CCDC91: variants seen among roughly 807,000 people sequenced by gnomAD.
The protein encoded by CCDC91 is coiled-coil domain containing 91, also known as coiled-coil domain-containing protein 91.
Under a neutral mutation model 63.2 loss-of-function variants are expected in CCDC91, and 48 were observed. That is an observed-to-expected ratio of 0.76 (90% CI 0.60 to 0.97). CCDC91 has a LOEUF of 0.97. Ranked by LOEUF, CCDC91 falls within the 50% of genes least tolerant of loss-of-function variation. The pLI is 0.00. For missense variants in CCDC91, 500 were observed against 494.6 expected, an observed-to-expected ratio of 1.01 and a Z score of -0.10; for synonymous variants, 167 against 165.8, an observed-to-expected ratio of 1.01 and a Z score of -0.06.
chr12:28,458,463 T>TTC, intron 11 of CCDC91, among the ~76,000 whole-genome samples: 2 of 105,846 alleles, frequency 1.9e-5, no homozygotes, highest in Non-Finnish European at 3.6e-5. Flanking sequence ...ACCTTTTTTT[T>TTC]TTTTTTTTTT....
At chr12:28,425,989 G>A (rs925697576) in intron 8 of CCDC91, among the ~76,000 whole-genome samples, 1 of 152,078 alleles carries the variant, frequency 6.6e-6, no homozygotes, top group Admixed American at 6.6e-5. Context: ...ATGTACGTGG[G>A]CCTCTGAGCT....
chr12:28,517,528 T>G (rs555746132), intron 12 of CCDC91, among the ~76,000 whole-genome samples: 2 of 152,098 alleles, frequency 1.3e-5, no homozygotes, highest in African/African-American at 4.8e-5. Context: ...TTTGAGGCTG[T>G]GTTTTTGTTC....
intron 12 of CCDC91, among the ~76,000 whole-genome samples, chr12:28,486,839 C>T (rs1482263908): frequency 6.6e-6 from 1 of 151,978 alleles, no homozygotes; most frequent in East Asian, 1.9e-4. Context: ...CTTTCATTTG[C>T]ACTGAAGTTC....
At chr12:28,369,073 A>T (rs1418370290) in intron 7 of CCDC91, among the ~76,000 whole-genome samples, 1 of 152,120 alleles carries the variant, frequency 6.6e-6, no homozygotes, top group Non-Finnish European at 1.5e-5. Context: ...TGTCCTTCTC[A>T]CATTTCAAAA....
chr12:28,495,778 C>A (rs1443457695), intron 12 of CCDC91, among the ~76,000 whole-genome samples: 1 of 151,580 alleles, frequency 6.6e-6, no homozygotes, highest in Admixed American at 6.6e-5. Context: ...CATATTTTTC[C>A]ATGTCCATAG....
At chr12:28,528,486 C>T (rs1167893212) in intron 12 of CCDC91, among the ~76,000 whole-genome samples, 1 of 152,162 alleles carries the variant, frequency 6.6e-6, no homozygotes, top group Non-Finnish European at 1.5e-5. Context: ...GGGGTGTCTC[C>T]CAGGTCCTGC....
At chr12:28,310,229 C>A (rs758733017) in intron 6 of CCDC91, among the ~76,000 whole-genome samples, 4 of 151,992 alleles carry the variant, frequency 2.6e-5, no homozygotes, top group Admixed American at 2.0e-4. Flanking sequence ...ATTCTGGACC[C>A]TTTAGTGAGA....
rs111780724 is a variant in CCDC91 at position 28,398,852 on chromosome 12, C to T, written c.762+7441C>T. 3.7e-4 allele frequency among the ~76,000 whole-genome samples: 57 copies of T among 152,208 alleles called. 1 individual carries two copies. Among genetic ancestry groups the T allele is most frequent in the Non-Finnish European group, 6.2e-4 (42 of 67,998 alleles). On this transcript the variant is annotated intron_variant, in intron 8 of 12. Coordinates refer to ENST00000536442, the MANE Select transcript of CCDC91 (RefSeq NM_018318.5). Reference sequence around the variant, plus strand: ...CTTATTTTATTATGTTGTCTACTTTCGTAAATATTCATGAGTTTTTCATAA... The same window carrying T: ...CTTATTTTATTATGTTGTCTACTTTTGTAAATATTCATGAGTTTTTCATAA...
Position 28,452,036 on chromosome 12 carries a change from AAGT to A in CCDC91, c.925-438_925-436del, listed in dbSNP as rs564241764. Among the ~76,000 whole-genome samples, 511 of 132,138 alleles carry A rather than the reference AAGT, an allele frequency of 3.9e-3. 2 individuals are homozygous for A. Among genetic ancestry groups the A allele is most frequent in the South Asian group, 9.0e-3 (41 of 4,544 alleles). The allele number at this position is 132,138 out of a possible 152,430, so 86.7% of individuals were successfully genotyped here. A position where few individuals can be genotyped will look rare whatever the true frequency, so the allele number is the denominator to read the frequency against. On this transcript the variant is annotated intron_variant, in intron 10 of 12. Coordinates refer to ENST00000536442, the MANE Select transcript of CCDC91 (RefSeq NM_018318.5). ...AGCATTTTCCTTTTTTAATTTTAGAAAGTAGTTTTTCATAAAATATATTATTTG... is the reference window on the plus strand; with the variant it reads ...AGCATTTTCCTTTTTTAATTTTAGAAAGTTTTTCATAAAATATATTATTTG...
At chr12:28,537,955 A>G (rs1396680056) in intron 12 of CCDC91, among the ~76,000 whole-genome samples, 1 of 152,174 alleles carries the variant, frequency 6.6e-6, no homozygotes, top group Non-Finnish European at 1.5e-5. Flanking sequence ...TGGGAGCTCT[A>G]TTGATAAAGA....
At chr12:28,272,353 C>T (rs1186399849) in intron 3 of CCDC91, among the ~76,000 whole-genome samples, 2 of 150,280 alleles carry the variant, frequency 1.3e-5, no homozygotes, top group African/African-American at 2.4e-5. Flanking sequence ...TTGTTTTTAC[C>T]AATGTTGTTG....
intron 3 of CCDC91, among the ~76,000 whole-genome samples, chr12:28,273,051 C>T (rs1660269123): frequency 6.8e-6 from 1 of 146,606 alleles, no homozygotes; most frequent in Non-Finnish European, 1.5e-5. Flanking sequence ...CATGTGTTCT[C>T]ATTGTTCAGT....
intron 6 of CCDC91, among the ~76,000 whole-genome samples, chr12:28,313,612 A>G (rs975815572): frequency 7.9e-5 from 12 of 152,092 alleles, no homozygotes; most frequent in African/African-American, 2.9e-4. Flanking sequence ...TAATTCTAAC[A>G]GTGTTATTTT....
At chr12:28,498,691 A>G (rs1952449124) in intron 12 of CCDC91, among the ~76,000 whole-genome samples, 1 of 151,512 alleles carries the variant, frequency 6.6e-6, no homozygotes, top group Non-Finnish European at 1.5e-5. Flanking sequence ...TAGTATCACT[A>G]CTCTATTTTT....
At chr12:28,547,480 G>A (rs756864089) in intron 12 of CCDC91, among the ~76,000 whole-genome samples, 4 of 152,044 alleles carry the variant, frequency 2.6e-5, no homozygotes, top group African/African-American at 7.2e-5. Flanking sequence ...ACATGTGCCA[G>A]ACCCCCTCTA....
intron 12 of CCDC91, among the ~76,000 whole-genome samples, chr12:28,511,145 A>G (rs879300171): frequency 1.3e-5 from 2 of 151,874 alleles, no homozygotes; most frequent in African/African-American, 4.8e-5. Flanking sequence ...TGTCTTCAGA[A>G]TATCTCTCAA....
At chr12:28,390,298 G>A (rs1439881925) in intron 7 of CCDC91, among the ~76,000 whole-genome samples, 1 of 151,044 alleles carries the variant, frequency 6.6e-6, no homozygotes, top group Non-Finnish European at 1.5e-5. Flanking sequence ...AGATTTGGCT[G>A]ATTTTTTTTT....
chr12:28,390,782 G>A (rs1024342353), intron 7 of CCDC91, among the ~76,000 whole-genome samples: 1 of 152,020 alleles, frequency 6.6e-6, no homozygotes, highest in Non-Finnish European at 1.5e-5. Context: ...GTTCTTTAAT[G>A]TTTGAAGTTG....
chr12:28,326,489 C>T (rs1173358879), intron 6 of CCDC91, among the ~76,000 whole-genome samples: 8 of 150,026 alleles, frequency 5.3e-5, no homozygotes, highest in South Asian at 4.2e-4. Flanking sequence ...CATGCTGGTG[C>T]GCTGCACCCA....
Sources: allele counts gnomAD v4.1 joint callset (sites outside exome capture counted in the v4.1 genomes callset), GRCh38; gene constraint gnomAD v4.1.1; transcripts MANE v1.5; gene names NCBI Gene and HGNC (gene_info 2026-07-23, HGNC 2026-07-21).